CCSER2: variants seen among roughly 807,000 people sequenced by gnomAD.
The protein encoded by CCSER2 is coiled-coil serine rich protein 2.
CCSER2 carries 46 observed loss-of-function variants against 92.3 expected under a neutral mutation model. The observed-to-expected ratio is 0.50, with a 90% CI of 0.39 to 0.64. The LOEUF is 0.64. Ranked by LOEUF, CCSER2 falls within the 30% of genes least tolerant of loss-of-function variation. The pLI is 0.00. For missense variants in CCSER2, 1,244 were observed against 1,238.9 expected (o/e 1.00, Z -0.06); for synonymous variants, 433 against 431.4 (o/e 1.00, Z -0.04).
chr10:84,464,800 A>C (rs1325789487), intron 7 of CCSER2, among the ~76,000 whole-genome samples: 1 of 152,310 alleles, frequency 6.6e-6, no homozygotes, highest in East Asian at 1.9e-4. Context: ...TGGGAAGAGA[A>C]CTTTGATAGG....
chr10:84,391,780 A>G lies in CCSER2; in HGVS notation c.1614+17965A>G, dbSNP rs963001365. The G allele has an allele frequency of 1.1e-5, 17 of 1,566,394 alleles. No individual in the cohort carries two copies. The African/African-American group carries it at 2.3e-4, about 21-fold the overall frequency. Reference sequence around the variant, plus strand: ...AAGACCCTGGTGCACCTTTCTGAGAAACATAAGAGACAATGAGGAAAAGGA... The same window carrying G: ...AAGACCCTGGTGCACCTTTCTGAGAGACATAAGAGACAATGAGGAAAAGGA... On this transcript the variant is annotated intron_variant, in intron 3 of 9. Transcript: ENST00000372088.
At chr10:84,391,332 A>T in intron 3 of CCSER2, 1 of 1,433,824 alleles carries the variant, frequency 7.0e-7, no homozygotes, top group Admixed American at 1.7e-5. Context: ...GGCCTGGCTG[A>T]AGGACTTGGA....
chr10:84,341,806 C>T (rs192749126), intron 1 of CCSER2, among the ~76,000 whole-genome samples: 4 of 152,246 alleles, frequency 2.6e-5, no homozygotes, highest in Non-Finnish European at 4.4e-5. Flanking sequence ...GGAAACACTT[C>T]ACTTATGTTT....
chr10:84,387,671 G>A (rs1841295570), intron 3 of CCSER2, among the ~76,000 whole-genome samples: 1 of 151,932 alleles, frequency 6.6e-6, no homozygotes, highest in Non-Finnish European at 1.5e-5. Flanking sequence ...TGGAACTCCA[G>A]GCGTCCGCCA....
intron 3 of CCSER2, among the ~76,000 whole-genome samples, chr10:84,413,652 A>T (rs555188852): frequency 6.6e-6 from 1 of 152,194 alleles, no homozygotes; most frequent in Non-Finnish European, 1.5e-5. Flanking sequence ...GTATATATCT[A>T]TCAGGTCTAC....
intron 3 of CCSER2, among the ~76,000 whole-genome samples, chr10:84,387,484 T>C (rs1841282178): frequency 6.6e-6 from 1 of 152,226 alleles, no homozygotes; most frequent in African/African-American, 2.4e-5. Context: ...TTTCAGTTTA[T>C]AGTATACTAC....
At chr10:84,344,338 T>A (rs1315522116) in intron 1 of CCSER2, among the ~76,000 whole-genome samples, 1 of 152,222 alleles carries the variant, frequency 6.6e-6, no homozygotes, top group Non-Finnish European at 1.5e-5. Context: ...TTGTGAATAT[T>A]TTACAAAAGT....
At chr10:84,331,603 A>G (rs1843565918) in intron 1 of CCSER2, among the ~76,000 whole-genome samples, 1 of 152,204 alleles carries the variant, frequency 6.6e-6, no homozygotes, top group Non-Finnish European at 1.5e-5. Context: ...AGAGGAGCCT[A>G]TCTTACTCCT....
At chr10:84,477,756 A>T (rs1847238226) in intron 9 of CCSER2, 92 bp downstream of exon 9, 3 of 691,930 alleles carry the variant, frequency 4.3e-6, no homozygotes, top group Non-Finnish European at 4.9e-6. Context: ...AATGATTTTG[A>T]ATCTGTCATG....
intron 3 of CCSER2, chr10:84,391,704 G>T (rs1313223106): frequency 1.6e-5 from 24 of 1,514,060 alleles, no homozygotes; most frequent in Non-Finnish European, 2.1e-5. Context: ...ACGATTGGTC[G>T]TCTTGGTTAC....
intron 6 of CCSER2, among the ~76,000 whole-genome samples, chr10:84,451,895 A>T (rs1029269008): frequency 6.6e-6 from 1 of 152,204 alleles, no homozygotes; most frequent in African/African-American, 2.4e-5. Flanking sequence ...TGTTTTTAAA[A>T]TCCTCTCAAA....
chr10:84,409,064 C>T (rs989922113), intron 3 of CCSER2, among the ~76,000 whole-genome samples: 3 of 152,072 alleles, frequency 2.0e-5, no homozygotes, highest in African/African-American at 7.2e-5. Flanking sequence ...GATCTCGGCT[C>T]ACTGCAACCT....
intron 1 of CCSER2, among the ~76,000 whole-genome samples, chr10:84,353,736 C>G (rs774746200): frequency 6.6e-6 from 1 of 152,132 alleles, no homozygotes; most frequent in Non-Finnish European, 1.5e-5. Flanking sequence ...GCCTTCTTTT[C>G]CCCTTTAGCA....
At chr10:84,444,532 A>G (rs1275918363) in intron 6 of CCSER2, among the ~76,000 whole-genome samples, 2 of 152,194 alleles carry the variant, frequency 1.3e-5, no homozygotes, top group Non-Finnish European at 2.9e-5. Context: ...AATTAGTGAT[A>G]CAACCAGGAT....
chr10:84,421,005 A>T (rs553479315), intron 4 of CCSER2, among the ~76,000 whole-genome samples: 2 of 151,376 alleles, frequency 1.3e-5, no homozygotes. Context: ...TCCCAGTATC[A>T]GTGGAGTTTT....
chr10:84,494,687 C>T (rs1442240555), intron 9 of CCSER2, among the ~76,000 whole-genome samples: 1 of 152,176 alleles, frequency 6.6e-6, no homozygotes, highest in Non-Finnish European at 1.5e-5. Context: ...CTTGTAGGGT[C>T]TCTTGTATTC....
chr10:84,341,837 A>G (rs1005914765), intron 1 of CCSER2, among the ~76,000 whole-genome samples: 1 of 152,214 alleles, frequency 6.6e-6, no homozygotes, highest in Admixed American at 6.5e-5. Flanking sequence ...TAAACAGCAT[A>G]TTTTAAGAAA....
chr10:84,392,047 T>C, intron 3 of CCSER2: 2 of 1,161,898 alleles, frequency 1.7e-6, no homozygotes, highest in Non-Finnish European at 2.6e-6. Context: ...TTATGGTGTT[T>C]AATACACTTA....
rs76199102 is a variant in CCSER2, at chr10:84,450,442, C to A, written c.2064+11735C>A. ...GGATATGTGCATACACATGTAAATG[C>A]ATACCTATTCATGTATATATGTACT... On this transcript the variant is annotated intron_variant, in intron 6 of 9. Transcript: ENST00000372088. Among the ~76,000 whole-genome samples, 382 of 152,292 alleles carry A rather than the reference C, an allele frequency of 2.5e-3. 2 individuals are homozygous for A. Among genetic ancestry groups the A allele is most frequent in the African/African-American group, 8.4e-3 (350 of 41,552 alleles).
Sources: gnomAD v4.1 joint callset for allele counts (sites outside exome capture counted in the v4.1 genomes callset) on GRCh38, gnomAD v4.1.1 for gene constraint, MANE v1.5 for transcripts, NCBI Gene and HGNC (gene_info 2026-07-23, HGNC 2026-07-21) for gene names.